The following PCDHGA3 variants were observed in gnomAD, a reference collection of about 807,000 sequenced individuals.
PCDHGA3 encodes protocadherin gamma subfamily A, 3, also known as protocadherin gamma-A3.
In PCDHGA3, 40 loss-of-function variants were observed where a neutral mutation model predicts 58.5. The ratio of observed to expected loss-of-function variants is 0.68; its 90% CI spans 0.53 to 0.89. The LOEUF (loss-of-function observed/expected upper bound fraction) is 0.89, where lower values mean the gene tolerates loss of function less well. Among genes scored for constraint, PCDHGA3 ranks in the 40% least tolerant of loss-of-function variants. The pLI is 0.00. For synonymous variants in PCDHGA3, 530 were observed against 525.7 expected, an observed-to-expected ratio of 1.01 and a Z score of -0.11; for missense variants, 1,223 against 1,195.9, an observed-to-expected ratio of 1.02 and a Z score of -0.33.
At chr5:141,465,266 C>G (rs2099099623) in intron 1 of PCDHGA3, among the ~76,000 whole-genome samples, 1 of 152,096 alleles carries the variant, frequency 6.6e-6, no homozygotes, top group South Asian at 2.1e-4. Flanking sequence ...ATGATACTAG[C>G]CATTTAGTTC....
rs574393099 is a variant in PCDHGA3 at position 141,372,200 on chromosome 5, C to T, written c.2424+25743C>T. On this transcript the variant is annotated intron_variant, in intron 1 of 3. Transcript: ENST00000253812. ...TGGACGCAGACTCGGGATACAACGC[C>T]TGGCTGTCCTACCACATTGTGCAGG... The T allele has an allele frequency of 2.0e-5, 32 of 1,613,598 alleles. No individual in the cohort carries two copies. The South Asian group carries it at 3.4e-4, about 17-fold the overall frequency.
Position 141,352,659 on chromosome 5 carries a change from T to C in PCDHGA3, c.2424+6202T>C, listed in dbSNP as rs375202989. On this transcript the variant is annotated intron_variant, in intron 1 of 3. Coordinates refer to ENST00000253812, the MANE Select transcript of PCDHGA3 (RefSeq NM_018916.4). ...CACAAAATCGCTTATGACCCTTCTT[T>C]GTCTTCGCACGTGAGTTTCTGCAAA... 269 of 1,595,024 alleles carry C rather than the reference T, an allele frequency of 1.7e-4. No homozygotes were observed. Among genetic ancestry groups the C allele is most frequent in the South Asian group, 2.2e-4 (20 of 89,114 alleles).
At chr5:141,413,109 A>G in intron 1 of PCDHGA3, 2 of 1,498,490 alleles carry the variant, frequency 1.3e-6, no homozygotes, top group African/African-American at 1.4e-5. Flanking sequence ...ACAGAAAGAC[A>G]AAGGAACCGG....
chr5:141,374,151 T>C lies in PCDHGA3; in HGVS notation c.2424+27694T>C, dbSNP rs759314106. ...CTGCTCCTCACGCTCCTGGGGACGC[T>C]GTGGGGGGCCGCGGCAGCGCAGATC... On this transcript the variant is annotated intron_variant, in intron 1 of 3. Coordinates refer to ENST00000253812, the MANE Select transcript of PCDHGA3 (RefSeq NM_018916.4). 2 of 1,611,862 alleles carry C rather than the reference T, an allele frequency of 1.2e-6. No individual in the cohort carries two copies. Among genetic ancestry groups the C allele is most frequent in the Non-Finnish European group, 1.7e-6 (2 of 1,178,732 alleles).
Position 141,475,871 on chromosome 5 carries a change from A to C in PCDHGA3, c.2425-18936A>C, listed in dbSNP as rs568810142. 35 of 513,270 alleles carry C rather than the reference A, an allele frequency of 6.8e-5. No individual in the cohort carries two copies. The East Asian group carries it at 1.1e-3, about 16-fold the overall frequency. The allele number at this position is 513,270 out of a possible 1,614,324, so 31.8% of individuals were successfully genotyped here. The stretch of plus-strand genomic sequence containing the variant: ...CCCGGCGCTAGCTCATTCTTCGTGC[A>C]GTTATTGGCTGGGACTCTGTGTGCC... On this transcript the variant is annotated intron_variant, in intron 1 of 3. Transcript: ENST00000253812.
intron 1 of PCDHGA3, chr5:141,383,703 C>A: frequency 2.5e-6 from 4 of 1,613,964 alleles, no homozygotes; most frequent in Non-Finnish European, 3.4e-6. Flanking sequence ...ATGCTATCGA[C>A]CTGGACGAGG....
At chr5:141,385,253 G>A (rs1234375073) in intron 1 of PCDHGA3, 1 of 1,613,650 alleles carries the variant, frequency 6.2e-7, no homozygotes, top group Non-Finnish European at 8.5e-7. Flanking sequence ...CAGGAGAGCT[G>A]TGAGAAAAAT....
At chr5:141,382,657 C>T (rs1385150684) in intron 1 of PCDHGA3, 5 of 416,908 alleles carry the variant, frequency 1.2e-5, no homozygotes, top group Non-Finnish European at 2.1e-5. Flanking sequence ...AGTAAGGACT[C>T]ACAGCGCCGC....
chr5:141,423,364 C>G (rs1299667864), intron 1 of PCDHGA3: 2 of 1,614,102 alleles, frequency 1.2e-6, no homozygotes, highest in East Asian at 4.5e-5. Flanking sequence ...CATCGTGCTG[C>G]TGGCACTCAG....
At chr5:141,496,373 C>T (rs1315450867) in intron 2 of PCDHGA3, among the ~76,000 whole-genome samples, 2 of 152,216 alleles carry the variant, frequency 1.3e-5, no homozygotes. Flanking sequence ...GAAGCAGGAG[C>T]TTGGGCCACC....
intron 1 of PCDHGA3, among the ~76,000 whole-genome samples, chr5:141,473,191 G>A (rs28479996): frequency 0.019 from 2,957 of 152,242 alleles, 87 homozygotes; most frequent in African/African-American, 0.062. Context: ...AGGAGTAAAT[G>A]TATCTTCTAA....
rs768825990 is a variant in PCDHGA3, at chr5:141,344,954, A to G, written c.921A>G (p.Leu307=). 4 of 1,613,842 alleles carry G rather than the reference A, an allele frequency of 2.5e-6. No individual in the cohort carries two copies. The highest frequency in any genetic ancestry group is 3.4e-6 in the Non-Finnish European group (4 of 1,179,788). The change falls in exon 1 of 4, where the codon CTA becomes CTG. Residue 307 remains leucine, a synonymous_variant. Coordinates refer to ENST00000253812, the MANE Select transcript of PCDHGA3 (RefSeq NM_018916.4). ...GAGAAGTATCAATATTAAAAAGTCT[A>G]GATTATGAGGATGCCATGTTCTATG... ...VSGEVSILKS[L]DYEDAMFYEI... is the part of the protein sequence containing the mutation.
intron 1 of PCDHGA3, among the ~76,000 whole-genome samples, chr5:141,429,812 A>G (rs2097246172): frequency 6.6e-6 from 1 of 152,226 alleles, no homozygotes; most frequent in South Asian, 2.1e-4. Context: ...AGTAATTACA[A>G]TTAGGTCAGT....
intron 1 of PCDHGA3, chr5:141,403,422 C>T (rs749764130): frequency 6.2e-7 from 1 of 1,613,912 alleles, no homozygotes; most frequent in Admixed American, 1.7e-5. Flanking sequence ...CTTCCAGAAG[C>T]TATTGATCCG....
chr5:141,376,604 C>T (rs1772886423), intron 1 of PCDHGA3: 4 of 1,509,582 alleles, frequency 2.6e-6, no homozygotes, highest in Non-Finnish European at 3.6e-6. Context: ...GTTATAGAAG[C>T]GAACCTCTTT....
chr5:141,465,413 G>A (rs996581829), intron 1 of PCDHGA3, among the ~76,000 whole-genome samples: 1 of 152,174 alleles, frequency 6.6e-6, no homozygotes, highest in Non-Finnish European at 1.5e-5. Context: ...AGCCAAATCA[G>A]CACTGAAAGG....
chr5:141,418,637 T>A, intron 1 of PCDHGA3: 1 of 1,613,998 alleles, frequency 6.2e-7, no homozygotes. Context: ...TCCAGGCACC[T>A]CCATCCTGAG....
chr5:141,374,636 G>A, intron 1 of PCDHGA3: 1 of 1,612,960 alleles, frequency 6.2e-7, no homozygotes, highest in Non-Finnish European at 8.5e-7. Flanking sequence ...CGTGCAAAGC[G>A]AAGCCCATGG....
intron 1 of PCDHGA3, chr5:141,384,650 C>T (rs1213467381): frequency 6.2e-7 from 1 of 1,614,104 alleles, no homozygotes; most frequent in East Asian, 2.2e-5. Context: ...TCCGCAGAGC[C>T]CGGCTACCTG....
Sources: gnomAD v4.1 joint callset for allele counts (sites outside exome capture counted in the v4.1 genomes callset) on GRCh38, gnomAD v4.1.1 for gene constraint, MANE v1.5 for transcripts, NCBI Gene and HGNC (gene_info 2026-07-23, HGNC 2026-07-21) for gene names.